CLSTN1: variants seen among roughly 807,000 people sequenced by gnomAD.
The protein encoded by CLSTN1 is calsyntenin-1.
Under a neutral mutation model 108.3 loss-of-function variants are expected in CLSTN1, and 28 were observed. The observed-to-expected ratio is 0.26, with a 90% CI of 0.19 to 0.35. CLSTN1 has a LOEUF of 0.35. Among genes scored for constraint, CLSTN1 ranks in the 10% least tolerant of loss-of-function variants. CLSTN1 has a pLI of 1.00. For missense variants in CLSTN1, 1,157 were observed against 1,302.6 expected, an observed-to-expected ratio of 0.89 and a Z score of 1.72; for synonymous variants, 524 against 534.9, an observed-to-expected ratio of 0.98 and a Z score of 0.28.
rs754307668 is a variant in CLSTN1 at position 9,730,330 on chromosome 1, C to G, written c.*178G>C. 1.5e-5 allele frequency: 10 copies of G among 669,882 alleles called. No individual in the cohort carries two copies. The highest frequency in any genetic ancestry group is 3.6e-5 in the African/African-American group (2 of 56,090). 41.5% of individuals were successfully genotyped at this position (669,882 alleles called of 1,614,324 possible). On this transcript the variant is annotated 3_prime_UTR_variant, in exon 19 of 19. Transcript: ENST00000377298. The surrounding 1 kb of genome is among the most constrained non-coding windows in gnomAD (Gnocchi z 5.6). ...CGTGGGACTGAAGAGCGCGACCAGG[C>G]AGAGGGTGGGCGGGGAGCCTAGGGT...
At chr1:9,784,313 C>T (rs1210430493) in intron 1 of CLSTN1, among the ~76,000 whole-genome samples, 2 of 151,672 alleles carry the variant, frequency 1.3e-5, no homozygotes, top group African/African-American at 2.4e-5. Context: ...ACTTGCACTC[C>T]GGCCTGGGTG....
chr1:9,759,786 C>G (rs1473095164), intron 2 of CLSTN1, among the ~76,000 whole-genome samples: 1 of 152,218 alleles, frequency 6.6e-6, no homozygotes, highest in African/African-American at 2.4e-5. Flanking sequence ...TCTAGAGAGA[C>G]ACCCACGAGT....
intron 1 of CLSTN1, among the ~76,000 whole-genome samples, chr1:9,777,071 T>C (rs998695857): frequency 1.3e-5 from 2 of 151,718 alleles, no homozygotes; most frequent in African/African-American, 4.8e-5. Flanking sequence ...AATACAAAAA[T>C]TAGCCGGGTG....
At chr1:9,788,867 C>CAAAAAAAAAAAAAAAAAAAAAAAAA (rs56093052) in intron 1 of CLSTN1, among the ~76,000 whole-genome samples, 1 of 76,278 alleles carries the variant, frequency 1.3e-5, no homozygotes, top group Non-Finnish European at 2.5e-5. Context: ...GACTCCGTCT[C>CAAAAAAAAAAAAAAAAAAAAAAAAA]AAAAAAAAAA....
intron 10 of CLSTN1, among the ~76,000 whole-genome samples, 169 bp downstream of exon 10, chr1:9,740,925 A>C (rs1051321668): frequency 3.1e-4 from 47 of 152,178 alleles, no homozygotes; most frequent in Non-Finnish European, 1.5e-4. Context: ...TGCTAGCTAG[A>C]GTGGGGTAAC....
intron 1 of CLSTN1, among the ~76,000 whole-genome samples, chr1:9,794,741 CTTT>C (rs1347461735): frequency 6.6e-6 from 1 of 151,470 alleles, no homozygotes; most frequent in African/African-American, 2.4e-5. Context: ...TTTCTTTCTT[CTTT>C]ATCATGATCA....
intron 1 of CLSTN1, among the ~76,000 whole-genome samples, chr1:9,784,236 G>T (rs531140267): frequency 6.6e-6 from 1 of 151,742 alleles, no homozygotes; most frequent in Non-Finnish European, 1.5e-5. Flanking sequence ...CCAGCTACTC[G>T]GAAGGTTGAG....
At chr1:9,748,031 G>A (rs895176976) in intron 7 of CLSTN1, among the ~76,000 whole-genome samples, 2 of 149,420 alleles carry the variant, frequency 1.3e-5, no homozygotes, top group Non-Finnish European at 3.0e-5. Flanking sequence ...GTGACAGAGT[G>A]AGACTCTGTC....
At chr1:9,778,473 TTTTTTA>T (rs1033663687) in intron 1 of CLSTN1, among the ~76,000 whole-genome samples, 8 of 152,168 alleles carry the variant, frequency 5.3e-5, no homozygotes, top group African/African-American at 1.9e-4. Flanking sequence ...GAAGGTGTTT[TTTTTTA>T]TTTTTGTTTG....
chr1:9,731,569 G>A (rs1051940242), intron 17 of CLSTN1, among the ~76,000 whole-genome samples, 179 bp from the exon 18 acceptor site: 13 of 152,240 alleles, frequency 8.5e-5, no homozygotes, highest in African/African-American at 2.9e-4. Flanking sequence ...GCTCGGCCAC[G>A]TCCTGCTCCA....
intron 1 of CLSTN1, among the ~76,000 whole-genome samples, chr1:9,814,077 G>A (rs1246892691): frequency 6.6e-6 from 1 of 151,776 alleles, no homozygotes; most frequent in African/African-American, 2.4e-5. Flanking sequence ...ACACCAGCCT[G>A]GGTGACAGAG....
intron 4 of CLSTN1, among the ~76,000 whole-genome samples, chr1:9,753,072 T>G (rs1464600201): frequency 1.3e-5 from 2 of 152,098 alleles, no homozygotes; most frequent in African/African-American, 4.8e-5. Context: ...ACTGATTTCA[T>G]GGAAGGCAAT....
rs779955615 is a variant in CLSTN1 at position 9,730,610 on chromosome 1, G to A, written c.2844C>T (p.Ala948=). ...DGEEEDDITS[A]ESESSEEEEG... ...CCTCCTCCTCGCTGCTCTCCGACTC[G>A]GCGCTGGTGATGTCATCCTCTTCTT... is the stretch of plus-strand genomic sequence containing the variant. Residue 948 remains alanine, a synonymous_variant, in exon 19 of 19, where the codon GCC becomes GCT. Transcript: ENST00000377298. This position sits in a 1 kb window ranked among gnomAD's most constrained non-coding sequence, Gnocchi z 5.6. The A allele has an allele frequency of 2.0e-5, 33 of 1,610,176 alleles. No individual in the cohort carries two copies. The highest frequency in any genetic ancestry group is 2.7e-5 in the Non-Finnish European group (32 of 1,179,870).
intron 7 of CLSTN1, among the ~76,000 whole-genome samples, chr1:9,746,168 T>G (rs987012990): frequency 3.9e-5 from 6 of 152,212 alleles, no homozygotes; most frequent in Non-Finnish European, 8.8e-5. Flanking sequence ...AAACCTCACC[T>G]GCATGCACAG....
intron 1 of CLSTN1, among the ~76,000 whole-genome samples, chr1:9,775,053 T>C (rs1652870152): frequency 6.6e-6 from 1 of 152,158 alleles, no homozygotes; most frequent in Non-Finnish European, 1.5e-5. Flanking sequence ...TAATGAGCAG[T>C]GAGGACGACC....
chr1:9,823,210 A>G lies in CLSTN1; in HGVS notation c.91+433T>C, dbSNP rs899986931. On this transcript the variant is annotated intron_variant, in intron 1 of 18. Coordinates refer to ENST00000377298, the MANE Select transcript of CLSTN1 (RefSeq NM_001009566.3). The surrounding 1 kb of genome is among the most constrained non-coding windows in gnomAD (Gnocchi z 6.3). Reference sequence around the variant, plus strand: ...CCCCCCGCCTGATGCACATCTGAGCACACGTACACAGAGCATCTCACCCAG... The same window carrying G: ...CCCCCCGCCTGATGCACATCTGAGCGCACGTACACAGAGCATCTCACCCAG... Among the ~76,000 whole-genome samples, 2 of 152,310 alleles carry G rather than the reference A, an allele frequency of 1.3e-5. No individual in the cohort carries two copies. Among genetic ancestry groups the G allele is most frequent in the African/African-American group, 4.8e-5 (2 of 41,582 alleles).
chr1:9,739,535 A>C (rs1650864738), intron 10 of CLSTN1, among the ~76,000 whole-genome samples: 1 of 152,180 alleles, frequency 6.6e-6, no homozygotes, highest in African/African-American at 2.4e-5. Flanking sequence ...TCCATGGCAC[A>C]AAAAAGGGCT....
chr1:9,823,513 C>T lies in CLSTN1; in HGVS notation c.91+130G>A. On this transcript the variant is annotated intron_variant, in intron 1 of 18. Coordinates refer to ENST00000377298, the MANE Select transcript of CLSTN1 (RefSeq NM_001009566.3). This position sits in a 1 kb window ranked among gnomAD's most constrained non-coding sequence, Gnocchi z 6.3. Reference sequence around the variant, plus strand: ...TGCGCTCGGACCCGACTCCCCGCATCCCGGCTCGAATCCCGGCATCCGGCC... The same window carrying T: ...TGCGCTCGGACCCGACTCCCCGCATTCCGGCTCGAATCCCGGCATCCGGCC... 1 of 484,586 alleles carries T rather than the reference C, an allele frequency of 2.1e-6. No individual in the cohort carries two copies. The highest frequency in any genetic ancestry group is 2.8e-6 in the Non-Finnish European group (1 of 356,154). The allele number at this position is 484,586 out of a possible 1,614,324, so 30.0% of individuals were successfully genotyped here.
chr1:9,732,569 G>T (rs534870252), intron 16 of CLSTN1, among the ~76,000 whole-genome samples: 4 of 152,320 alleles, frequency 2.6e-5, no homozygotes, highest in Non-Finnish European at 5.9e-5. Flanking sequence ...AACAGGCACC[G>T]AATTTAGCAT....
Sources: gnomAD v4.1 joint callset for allele counts (sites outside exome capture counted in the v4.1 genomes callset) on GRCh38, gnomAD v4.1.1 for gene constraint, Gnocchi (gnomAD v3.1) non-coding constraint, MANE v1.5 for transcripts, NCBI Gene and HGNC (gene_info 2026-07-23, HGNC 2026-07-21) for gene names.